The following SAMSN1 variants were observed in gnomAD, a reference collection of about 807,000 sequenced individuals.
SAMSN1 encodes the protein SAM domain-containing protein SAMSN-1.
Under a neutral mutation model 42.0 loss-of-function variants are expected in SAMSN1, and 31 were observed. The ratio of observed to expected loss-of-function variants is 0.74; its 90% CI spans 0.55 to 1.00. The LOEUF (loss-of-function observed/expected upper bound fraction) is 1.00. Ranked by LOEUF, SAMSN1 falls within the 50% of genes least tolerant of loss-of-function variation. The probability of loss-of-function intolerance (pLI) is 0.00; values close to 1 mark genes in which losing one functional copy is unlikely to be tolerated. For missense variants in SAMSN1, 464 were observed against 439.4 expected (o/e 1.06, Z -0.50); for synonymous variants, 178 against 151.9 (o/e 1.17, Z -1.26).
rs188699451 is a variant in SAMSN1, at chr21:14,603,895, A to T, written c.323-1796T>A. On this transcript the variant is annotated intron_variant, in intron 5 of 15. Coordinates refer to the SAMSN1 transcript ENST00000647101. ...AGTCACCTGAGACTTTGGGTCCTGG[A>T]TTGGAAATTTCCCTCATGTTTTTCA... Among the ~76,000 whole-genome samples the T allele has an allele frequency of 2.0e-5, 3 of 152,324 alleles. No individual in the cohort carries two copies. In the East Asian group the frequency reaches 5.8e-4, roughly 29 times the overall value.
intron 6 of SAMSN1, among the ~76,000 whole-genome samples, chr21:14,599,392 G>T (rs1254364559): frequency 6.6e-6 from 1 of 152,148 alleles, no homozygotes; most frequent in Admixed American, 6.6e-5. Context: ...TGAAGAAGGT[G>T]CCTGCTTCTC....
At chr21:14,535,643 T>C (rs929521743) in intron 1 of SAMSN1, among the ~76,000 whole-genome samples, 1 of 152,124 alleles carries the variant, frequency 6.6e-6, no homozygotes, top group African/African-American at 2.4e-5. Context: ...ACCATTAGGG[T>C]AGGACCTAAT....
chr21:14,529,247 C>A (rs1339902001), intron 1 of SAMSN1, among the ~76,000 whole-genome samples: 1 of 152,218 alleles, frequency 6.6e-6, no homozygotes, highest in Non-Finnish European at 1.5e-5. Flanking sequence ...AGTCTCACCT[C>A]CCTTAGGAAA....
intron 3 of SAMSN1, 103 bp downstream of exon 3, chr21:14,516,789 A>T: frequency 1.1e-6 from 1 of 926,656 alleles, no homozygotes. Flanking sequence ...AAGAAAACAA[A>T]TGCTTAAGTA....
At chr21:14,508,357 G>GA (rs113146265) in intron 5 of SAMSN1, among the ~76,000 whole-genome samples, 10,667 of 148,958 alleles carry the variant, frequency 0.072, 1,137 homozygotes, top group African/African-American at 0.24. Context: ...AAATCAACAA[G>GA]AAAAAAAAAC....
chr21:14,569,861 T>G (rs1981238283), intron 2 of SAMSN1, among the ~76,000 whole-genome samples: 1 of 152,168 alleles, frequency 6.6e-6, no homozygotes, highest in Non-Finnish European at 1.5e-5. Flanking sequence ...TGATGGTTCT[T>G]ACCAAAAACA....
chr21:14,538,093 A>G (rs1490125352), intron 1 of SAMSN1, among the ~76,000 whole-genome samples: 1 of 152,224 alleles, frequency 6.6e-6, no homozygotes, highest in Non-Finnish European at 1.5e-5. Flanking sequence ...ACAAAAATGA[A>G]GACAACCTTT....
At position 14,618,705 on chromosome 21, in the gene SAMSN1, C is replaced by T. The variant is rs796785619; in HGVS notation, c.157-2689G>A. 3.6e-3 allele frequency among the ~76,000 whole-genome samples: 360 copies of T among 100,494 alleles called. 1 individual carries two copies. Among genetic ancestry groups the T allele is most frequent in the South Asian group, 0.03 (103 of 3,388 alleles). 65.9% of individuals were successfully genotyped at this position (100,494 alleles called of 152,430 possible). A position where few individuals can be genotyped will look rare whatever the true frequency, so the allele number is the denominator to read the frequency against. Reference sequence around the variant, plus strand: ...GTGTGTGTGTGTGCGCGCGCGCGCACGCGCGTGTGTGTGTGTGTGTGTTCT... The same window carrying T: ...GTGTGTGTGTGTGCGCGCGCGCGCATGCGCGTGTGTGTGTGTGTGTGTTCT... On this transcript the variant is annotated intron_variant, in intron 2 of 15. Transcript: ENST00000647101.
At chr21:14,642,962 T>C (rs749644083) in intron 2 of SAMSN1, 18 of 712,808 alleles carry the variant, frequency 2.5e-5, no homozygotes, top group Non-Finnish European at 3.9e-5. Context: ...AGAACTATAA[T>C]AGAGAAAAAA....
chr21:14,500,395 T>C (rs1371232767), intron 6 of SAMSN1, 134 bp downstream of exon 6: 1 of 686,850 alleles, frequency 1.5e-6, no homozygotes, highest in Non-Finnish European at 2.5e-6. Flanking sequence ...AAATAAGAGC[T>C]CTTCTAGGAA....
At chr21:14,582,713 C>T (rs575260858) in intron 1 of SAMSN1, among the ~76,000 whole-genome samples, 1 of 151,870 alleles carries the variant, frequency 6.6e-6, no homozygotes, top group South Asian at 2.1e-4. Flanking sequence ...TTTTTGAAAC[C>T]ATAACAATTG....
intron 2 of SAMSN1, among the ~76,000 whole-genome samples, chr21:14,518,331 C>T (rs1988009974): frequency 6.6e-6 from 1 of 152,188 alleles, no homozygotes; most frequent in South Asian, 2.1e-4. Context: ...GATGCATGCT[C>T]CATGAGACTT....
chr21:14,550,858 A>G (rs1193497909), upstream of SAMSN1, among the ~76,000 whole-genome samples: 2 of 152,152 alleles, frequency 1.3e-5, no homozygotes, highest in African/African-American at 4.8e-5. Flanking sequence ...AATCTATTGC[A>G]TGGAGATGAA....
At chr21:14,621,036 T>A (rs774623099) in intron 2 of SAMSN1, among the ~76,000 whole-genome samples, 12 of 152,220 alleles carry the variant, frequency 7.9e-5, no homozygotes, top group African/African-American at 1.9e-4. Flanking sequence ...TGAATAAGTA[T>A]GTTTCTGGAT....
chr21:14,514,746 C>A (rs950814307), intron 3 of SAMSN1, among the ~76,000 whole-genome samples: 2 of 152,068 alleles, frequency 1.3e-5, no homozygotes, highest in South Asian at 4.2e-4. Flanking sequence ...GATGAGAAAA[C>A]CATTTTTTTT....
At chr21:14,648,239 C>T (rs1264567429) in intron 1 of SAMSN1, among the ~76,000 whole-genome samples, 1 of 152,104 alleles carries the variant, frequency 6.6e-6, no homozygotes, top group African/African-American at 2.4e-5. Context: ...AAACTGGATC[C>T]CTTCCTTACA....
At chr21:14,509,057 A>G (rs1441794014) in intron 5 of SAMSN1, among the ~76,000 whole-genome samples, 1 of 152,148 alleles carries the variant, frequency 6.6e-6, no homozygotes, top group African/African-American at 2.4e-5. Flanking sequence ...CGGAGGTTTC[A>G]GTGAACCAAG....
At chr21:14,610,349 C>G (rs1261727014) in intron 4 of SAMSN1, among the ~76,000 whole-genome samples, 1 of 152,128 alleles carries the variant, frequency 6.6e-6, no homozygotes, top group African/African-American at 2.4e-5. Context: ...TGCAGTGCCC[C>G]CAGGCTTGCT....
At chr21:14,546,388 C>A, upstream of SAMSN1, 1 of 1,465,402 alleles carries the variant, frequency 6.8e-7, no homozygotes. Flanking sequence ...GCCACTTCCT[C>A]CTTCAGTCAG....
Sources: gnomAD v4.1 joint callset for allele counts (sites outside exome capture counted in the v4.1 genomes callset) on GRCh38, gnomAD v4.1.1 for gene constraint, MANE v1.5 for transcripts, NCBI Gene and HGNC (gene_info 2026-07-23, HGNC 2026-07-21) for gene names.